DIAPH3: variants seen among roughly 807,000 people sequenced by gnomAD.
DIAPH3 encodes the protein protein diaphanous homolog 3.
Under a neutral mutation model 144.3 loss-of-function variants are expected in DIAPH3, and 117 were observed. The ratio of observed to expected loss-of-function variants is 0.81; its 90% CI spans 0.70 to 0.95. DIAPH3 has a LOEUF of 0.95. Ranked by LOEUF, DIAPH3 falls within the 40% of genes least tolerant of loss-of-function variation. The pLI is 0.00. For synonymous variants in DIAPH3, 519 were observed against 488.9 expected, an observed-to-expected ratio of 1.06 and a Z score of -0.81; for missense variants, 1,421 against 1,412.7, an observed-to-expected ratio of 1.01 and a Z score of -0.09.
rs559045303 is a variant in DIAPH3, at chr13:59,895,446, A to AC, written c.2368-15979_2368-15978insG. Among the ~76,000 whole-genome samples, 512 of 150,852 alleles carry AC rather than the reference A, an allele frequency of 3.4e-3. 5 individuals carry two copies. Among genetic ancestry groups the AC allele is most frequent in the Middle Eastern group, 0.021 (6 of 292 alleles). On this transcript the variant is annotated intron_variant, in intron 20 of 27. Transcript: ENST00000400324. ...ATGTTAAAGGAAAAAAAAAAAAACA[A>AC]AAAAAAAACACATTTATCTTGTGAA...
intron 2 of DIAPH3, among the ~76,000 whole-genome samples, chr13:60,128,810 A>C (rs990328097): frequency 3.3e-5 from 5 of 151,878 alleles, no homozygotes; most frequent in African/African-American, 1.2e-4. Flanking sequence ...GAGAGGAGTG[A>C]AGAAAATTAG....
At chr13:59,860,464 C>G (rs142724354) in intron 22 of DIAPH3, among the ~76,000 whole-genome samples, 5 of 152,090 alleles carry the variant, frequency 3.3e-5, no homozygotes, top group African/African-American at 1.2e-4. Flanking sequence ...TGAGGCCGGG[C>G]GCGGTGGCTC....
At chr13:60,059,990 C>T (rs2056704364) in intron 4 of DIAPH3, among the ~76,000 whole-genome samples, 1 of 152,032 alleles carries the variant, frequency 6.6e-6, no homozygotes, top group African/African-American at 2.4e-5. Flanking sequence ...TCCAGGTAAT[C>T]GCACAATTAT....
chr13:60,133,084 G>C (rs1297716255), intron 1 of DIAPH3, 95 bp from the exon 2 acceptor site: 2 of 806,520 alleles, frequency 2.5e-6, no homozygotes, highest in Non-Finnish European at 4.0e-6. Flanking sequence ...ATCCTAACTT[G>C]AATATAATTA....
chr13:59,938,002 G>A lies in DIAPH3; in HGVS notation c.2075-13132C>T, dbSNP rs117332461. 6.9e-3 allele frequency among the ~76,000 whole-genome samples: 1,043 copies of A among 152,042 alleles called. 6 individuals carry two copies. Among genetic ancestry groups the A allele is most frequent in the Non-Finnish European group, 9.2e-3 (624 of 67,950 alleles). On this transcript the variant is annotated intron_variant, in intron 17 of 27. Coordinates refer to ENST00000400324, the MANE Select transcript of DIAPH3 (RefSeq NM_001042517.2). ...CCTGTCTCTCTCTCTCTGCTTTTACGTTCTTGTTTTTGATAGCTCAGTTGG... is the reference window on the plus strand; with the variant it reads ...CCTGTCTCTCTCTCTCTGCTTTTACATTCTTGTTTTTGATAGCTCAGTTGG...
intron 18 of DIAPH3, among the ~76,000 whole-genome samples, chr13:59,922,452 A>G (rs1048601171): frequency 2.0e-5 from 3 of 152,070 alleles, no homozygotes; most frequent in African/African-American, 7.2e-5. Context: ...AATCTAGTAC[A>G]TACCCATAAT....
At position 60,132,943 on chromosome 13, in the gene DIAPH3, G is replaced by A. The variant is rs763618220; in HGVS notation, c.213+14C>T. The A allele has an allele frequency of 4.4e-6, 7 of 1,603,650 alleles. No homozygotes were observed. Among genetic ancestry groups the A allele is most frequent in the East Asian group, 2.2e-5 (1 of 44,650 alleles). ...TACAATTCATAACAAAGGAAAAGTT[G>A]AGGATAATCTTACCATATCATCCGT... On this transcript the variant is annotated intron_variant, in intron 2 of 27. Transcript: ENST00000400324.
At chr13:60,035,170 T>A (rs928293069) in intron 5 of DIAPH3, among the ~76,000 whole-genome samples, 1 of 152,220 alleles carries the variant, frequency 6.6e-6, no homozygotes, top group Non-Finnish European at 1.5e-5. Context: ...TAAATTGAGC[T>A]GAGTAGCTCT....
chr13:59,681,762 T>G (rs1045074652), intron 27 of DIAPH3, among the ~76,000 whole-genome samples: 1 of 152,152 alleles, frequency 6.6e-6, no homozygotes, highest in African/African-American at 2.4e-5. Context: ...TAATTCACAA[T>G]GAGGAAGGAG....
chr13:60,089,846 T>C (rs2057873774), intron 4 of DIAPH3, among the ~76,000 whole-genome samples: 1 of 152,210 alleles, frequency 6.6e-6, no homozygotes, highest in Non-Finnish European at 1.5e-5. Context: ...GATGCTCCTT[T>C]GAATGGAAAC....
chr13:59,970,701 T>C (rs1028990187), intron 16 of DIAPH3, 151 bp downstream of exon 16: 5 of 678,950 alleles, frequency 7.4e-6, no homozygotes, highest in Admixed American at 6.8e-5. Flanking sequence ...AGCTATTTTA[T>C]TGTCACTTTG....
chr13:60,153,308 A>G (rs1018504726), intron 1 of DIAPH3: 1 of 152,260 alleles, frequency 6.6e-6, no homozygotes, highest in Admixed American at 6.5e-5. Context: ...CTGGAAGTAT[A>G]AGAGTTTTTA....
At chr13:59,931,358 A>G (rs1461632752) in intron 17 of DIAPH3, among the ~76,000 whole-genome samples, 1 of 152,114 alleles carries the variant, frequency 6.6e-6, no homozygotes, top group African/African-American at 2.4e-5. Flanking sequence ...TAGTCTCTCC[A>G]CTACAGTGCA....
At chr13:60,120,933 AT>A (rs1045172197) in intron 2 of DIAPH3, among the ~76,000 whole-genome samples, 9 of 152,220 alleles carry the variant, frequency 5.9e-5, no homozygotes, top group African/African-American at 2.2e-4. Context: ...GTTTTGAGAA[AT>A]GTTATATAGC....
intron 27 of DIAPH3, among the ~76,000 whole-genome samples, chr13:59,742,084 G>A (rs887060629): frequency 6.6e-6 from 1 of 152,060 alleles, no homozygotes; most frequent in Non-Finnish European, 1.5e-5. Flanking sequence ...AAGAGAGCTT[G>A]TGCAGGGGAA....
At chr13:59,812,812 G>A (rs982424819) in intron 24 of DIAPH3, among the ~76,000 whole-genome samples, 8 of 152,110 alleles carry the variant, frequency 5.3e-5, no homozygotes, top group Non-Finnish European at 1.0e-4. Flanking sequence ...TCTTTTAAGC[G>A]TTCTGGAAAA....
At chr13:59,855,969 A>G (rs568606600) in intron 22 of DIAPH3, among the ~76,000 whole-genome samples, 61 of 152,220 alleles carry the variant, frequency 4.0e-4, no homozygotes, top group African/African-American at 1.4e-3. Flanking sequence ...TAGTATGATT[A>G]ACTGTATTCT....
intron 25 of DIAPH3, among the ~76,000 whole-genome samples, chr13:59,784,028 C>T (rs142577149): frequency 3.9e-5 from 6 of 152,278 alleles, no homozygotes; most frequent in Non-Finnish European, 8.8e-5. Flanking sequence ...CCTTCTTTTA[C>T]TTTCCACTGT....
intron 20 of DIAPH3, among the ~76,000 whole-genome samples, chr13:59,881,715 G>A (rs894437486): frequency 6.6e-6 from 1 of 152,018 alleles, no homozygotes; most frequent in African/African-American, 2.4e-5. Context: ...GTAAGTCTAT[G>A]ATGTAATGCA....
Sources: allele counts gnomAD v4.1 joint callset (sites outside exome capture counted in the v4.1 genomes callset), GRCh38; gene constraint gnomAD v4.1.1; transcripts MANE v1.5; gene names NCBI Gene and HGNC (gene_info 2026-07-23, HGNC 2026-07-21).